VLDLR: variants seen among roughly 807,000 people sequenced by gnomAD.
VLDLR encodes very low-density lipoprotein receptor.
Under a neutral mutation model 112.7 loss-of-function variants are expected in VLDLR, and 81 were observed. The observed-to-expected ratio is 0.72, with a 90% CI of 0.60 to 0.86. The LOEUF is 0.86. Ranked by LOEUF, VLDLR falls within the 40% of genes least tolerant of loss-of-function variation. VLDLR has a pLI of 0.00. For synonymous variants in VLDLR, 436 were observed against 384.8 expected (o/e 1.13, Z -1.56); for missense variants, 1,237 against 1,099.4 (o/e 1.13, Z -1.77).
chr9:2,651,778 A>G (rs554146139), intron 16 of VLDLR, 96 bp from the exon 17 acceptor site: 14 of 1,330,694 alleles, frequency 1.1e-5, no homozygotes, highest in Admixed American at 3.5e-5. Flanking sequence ...CTGAACATCA[A>G]TATTGGATGC....
rs1215517901 is a variant in VLDLR, at chr9:2,651,867, T to G, written c.2336-7T>G. The stretch of plus-strand genomic sequence containing the variant: ...CTTCTAAACTGATTCCTTTTATTCC[T>G]CTGTAGGGATCAATGTGACCACAGC... On this transcript the variant is annotated splice_polypyrimidine_tract_variant and splice_region_variant and intron_variant, in intron 16 of 18. Coordinates refer to ENST00000382100, the MANE Select transcript of VLDLR (RefSeq NM_003383.5). The G allele has an allele frequency of 1.2e-6, 2 of 1,614,084 alleles. No homozygotes were observed. The highest frequency in any genetic ancestry group is 1.7e-5 in the Admixed American group (1 of 60,014).
intron 10 of VLDLR, 34 bp downstream of exon 10, chr9:2,645,779 T>G (rs765646108): frequency 1.9e-6 from 3 of 1,613,164 alleles, no homozygotes; most frequent in Non-Finnish European, 2.5e-6. Flanking sequence ...TGTCTTGACA[T>G]AAGTCATTGT....
In VLDLR at chr9:2,658,556, G is replaced by A. The variant is rs1818688017; in HGVS notation, c.*4688G>A. The A allele has an allele frequency of 6.6e-6, 1 of 152,206 alleles. No homozygotes were observed. Among genetic ancestry groups the A allele is most frequent in the African/African-American group, 2.4e-5 (1 of 41,448 alleles). The allele number at this position is 152,206 out of a possible 1,614,324, so 9.4% of individuals were successfully genotyped here. ...GTTCTGTTTAGAAGCAGCAGGCAAT[G>A]TAGTTAACAGCATAGACTTCCGTGT... On this transcript the variant is annotated 3_prime_UTR_variant, in exon 19 of 19. Transcript: ENST00000382100.
intron 2 of VLDLR, among the ~76,000 whole-genome samples, chr9:2,638,150 T>G (rs1817677870): frequency 6.6e-6 from 1 of 152,174 alleles, no homozygotes; most frequent in African/African-American, 2.4e-5. Flanking sequence ...AACATTAGTG[T>G]TTGAGTTTTT....
chr9:2,629,552 A>G (rs1817243611), intron 1 of VLDLR, among the ~76,000 whole-genome samples: 1 of 152,272 alleles, frequency 6.6e-6, no homozygotes, highest in Non-Finnish European at 1.5e-5. Flanking sequence ...AAGAGGAATA[A>G]TAGGGCCAAC....
chr9:2,645,093 T>C lies in VLDLR; in HGVS notation c.1312+11T>C. The C allele has an allele frequency of 6.2e-7, 1 of 1,614,110 alleles. No homozygotes were observed. Among genetic ancestry groups the C allele is most frequent in the Non-Finnish European group, 8.5e-7 (1 of 1,180,006 alleles). ...TGTGCAAGGCAGTAGGTAAATGAAC[T>C]TGGACTGGTATGGCTGTTGTACCTT... is the stretch of plus-strand genomic sequence containing the variant. On this transcript the variant is annotated intron_variant, in intron 9 of 18. Transcript: ENST00000382100.
At chr9:2,630,654 C>A (rs1430131196) in intron 1 of VLDLR, among the ~76,000 whole-genome samples, 1 of 152,194 alleles carries the variant, frequency 6.6e-6, no homozygotes, top group Non-Finnish European at 1.5e-5. Context: ...CAGTTTTTTA[C>A]TGAAGCTTAT....
intron 1 of VLDLR, among the ~76,000 whole-genome samples, chr9:2,631,650 G>T (rs1056733930): frequency 6.6e-6 from 1 of 151,834 alleles, no homozygotes; most frequent in Non-Finnish European, 1.5e-5. Flanking sequence ...AGATGACAGA[G>T]ACTCAGAAGT....
At position 2,635,433 on chromosome 9, in the gene VLDLR, A is replaced by G. The variant is rs754779554; in HGVS notation, c.83-20A>G. 1 of 1,613,742 alleles carries G rather than the reference A, an allele frequency of 6.2e-7. No homozygotes were observed. The highest frequency in any genetic ancestry group is 8.5e-7 in the Non-Finnish European group (1 of 1,179,752). On this transcript the variant is annotated intron_variant, in intron 1 of 18. Coordinates refer to ENST00000382100, the MANE Select transcript of VLDLR (RefSeq NM_003383.5). Reference sequence around the variant, plus strand: ...CTATAACCAATCCTTGCTTTACCGAATGTTCCCTTCTTATTCTAGGGAGAA... The same window carrying G: ...CTATAACCAATCCTTGCTTTACCGAGTGTTCCCTTCTTATTCTAGGGAGAA...
In VLDLR at chr9:2,645,208, C is replaced by G. The variant is rs1157615948; in HGVS notation, c.1312+126C>G. 3.6e-6 allele frequency: 5 copies of G among 1,376,784 alleles called. No homozygotes were observed. The African/African-American group carries it at 5.7e-5, about 16-fold the overall frequency. 85.3% of individuals were successfully genotyped at this position (1,376,784 alleles called of 1,614,324 possible). On this transcript the variant is annotated intron_variant, in intron 9 of 18. Coordinates refer to ENST00000382100, the MANE Select transcript of VLDLR (RefSeq NM_003383.5). ...TACTTGAGAACAATGCTGCTAACCTCATAATACAGCAGTATAGGTCAAATA... is the reference window on the plus strand; with the variant it reads ...TACTTGAGAACAATGCTGCTAACCTGATAATACAGCAGTATAGGTCAAATA...
rs1250939479 is a variant in VLDLR at position 2,622,241 on chromosome 9, G to A, written c.52G>A (p.Ala18Thr). 6.7e-7 allele frequency: 1 copy of A among 1,499,462 alleles called. No individual in the cohort carries two copies. Among genetic ancestry groups the A allele is most frequent in the Non-Finnish European group, 8.8e-7 (1 of 1,131,074 alleles). 92.9% of individuals were successfully genotyped at this position (1,499,462 alleles called of 1,614,324 possible). ...CTGGCTGCTGCTCGCGCTGTGCTGG[G>A]CGCCCCGGGAGAGCGGCGCCACCGG... ...ALWLLLALCW[A>T]PRESGATGTG... Residue 18 changes from alanine to threonine, a missense_variant, in exon 1 of 19, where the codon GCG becomes ACG. Ala to Thr is a moderately conservative substitution (Grantham distance 58, BLOSUM62 0). Coordinates refer to ENST00000382100, the MANE Select transcript of VLDLR (RefSeq NM_003383.5).
chr9:2,639,761 T>G, intron 2 of VLDLR, 98 bp from the exon 3 acceptor site: 2 of 1,597,910 alleles, frequency 1.3e-6, no homozygotes, highest in Non-Finnish European at 1.7e-6. Context: ...AGCTTTTTTT[T>G]AGAGCAAAAC....
At chr9:2,649,351 C>T (rs1189569257) in intron 14 of VLDLR, among the ~76,000 whole-genome samples, 6 of 152,052 alleles carry the variant, frequency 3.9e-5, no homozygotes, top group Non-Finnish European at 5.9e-5. Flanking sequence ...TTCACATCAT[C>T]GTCCCTCTGT....
rs969970523 is a variant in VLDLR at position 2,645,179 on chromosome 9, A to G, written c.1312+97A>G. The stretch of plus-strand genomic sequence containing the variant: ...CTACAATAGTCAAACTAAACATGAA[A>G]TTGTACTTGAGAACAATGCTGCTAA... On this transcript the variant is annotated intron_variant, in intron 9 of 18. Transcript: ENST00000382100. The G allele has an allele frequency of 1.9e-6, 3 of 1,575,792 alleles. No individual in the cohort carries two copies. The African/African-American group carries it at 4.0e-5, about 21-fold the overall frequency.
rs375639304 is a variant in VLDLR, at chr9:2,641,549, G to C, written c.448+50G>C. ...GTAACCCAAAGACCCTTTTCCTAAA[G>C]GAAGGGTGGGCAGGGGAAACTAATC... On this transcript the variant is annotated intron_variant, in intron 4 of 18. Coordinates refer to ENST00000382100, the MANE Select transcript of VLDLR (RefSeq NM_003383.5). The C allele has an allele frequency of 2.5e-6, 4 of 1,611,906 alleles. No homozygotes were observed. The South Asian group carries it at 4.4e-5, about 18-fold the overall frequency.
intron 2 of VLDLR, among the ~76,000 whole-genome samples, chr9:2,636,899 GTAAT>G (rs1215382625): frequency 6.6e-6 from 1 of 152,106 alleles, no homozygotes; most frequent in African/African-American, 2.4e-5. Flanking sequence ...TTCTTAAAAA[GTAAT>G]TATTCTCTTT....
In VLDLR at chr9:2,621,870, C is replaced by T; in HGVS notation, c.-320C>T. 1 of 589,456 alleles carries T rather than the reference C, an allele frequency of 1.7e-6. No homozygotes were observed. The allele number at this position is 589,456 out of a possible 1,614,324, so 36.5% of individuals were successfully genotyped here. ...GTGCTCTCTTCTGCTCTCGGCTCCC[C>T]ACCCCCTCTCCCTTCCCTCCTCTCC... On this transcript the variant is annotated 5_prime_UTR_variant, in exon 1 of 19. Coordinates refer to ENST00000382100, the MANE Select transcript of VLDLR (RefSeq NM_003383.5).
At chr9:2,642,380 A>T (rs10967315) in intron 4 of VLDLR, among the ~76,000 whole-genome samples, 1 of 152,262 alleles carries the variant, frequency 6.6e-6, no homozygotes, top group South Asian at 2.1e-4. Flanking sequence ...ACCTAGTCCA[A>T]TGAGTTTTAG....
At chr9:2,623,618 C>G (rs1024123014) in intron 1 of VLDLR, among the ~76,000 whole-genome samples, 2 of 152,232 alleles carry the variant, frequency 1.3e-5, no homozygotes, top group African/African-American at 4.8e-5. Context: ...TGAACTGGGA[C>G]TGGCCTTTCC....
Sources: gnomAD v4.1 joint callset for allele counts (sites outside exome capture counted in the v4.1 genomes callset) on GRCh38, gnomAD v4.1.1 for gene constraint, MANE v1.5 for transcripts, NCBI Gene and HGNC (gene_info 2026-07-23, HGNC 2026-07-21) for gene names.